Variants in GPC6 observed in about 807,000 individuals in gnomAD.
GPC6 encodes glypican 6.
A neutral mutation model predicts 55.2 loss-of-function variants in GPC6; 14 were observed. That is an observed-to-expected ratio of 0.25 (90% CI 0.17 to 0.40). GPC6 has a LOEUF of 0.40. Ranked by LOEUF, GPC6 falls within the 10% of genes least tolerant of loss-of-function variation. The pLI is 1.00. For missense variants in GPC6, 641 were observed against 708.5 expected, an observed-to-expected ratio of 0.90 and a Z score of 1.08; for synonymous variants, 278 against 259.6, an observed-to-expected ratio of 1.07 and a Z score of -0.68.
At chr13:93,725,787 CCAAAAATAA>C (rs1226739906) in intron 2 of GPC6, among the ~76,000 whole-genome samples, 5 of 151,722 alleles carry the variant, frequency 3.3e-5, no homozygotes, top group Non-Finnish European at 1.5e-5. Context: ...ACCAAAAATA[CCAAAAATAA>C]AAAGAAGAAA....
At position 94,252,106 on chromosome 13, in the gene GPC6, G is replaced by A. The variant is rs1174059358; in HGVS notation, c.878-34243G>A. On this transcript the variant is annotated intron_variant, in intron 4 of 8. Coordinates refer to ENST00000377047, the MANE Select transcript of GPC6 (RefSeq NM_005708.5). ...AGACTGCTGTAATGCTCCTTGGGTG[G>A]CCTTCAATGTCCCATACTTATTTCC... 6.6e-5 allele frequency among the ~76,000 whole-genome samples: 10 copies of A among 152,180 alleles called. No individual in the cohort carries two copies. In the East Asian group the frequency reaches 1.7e-3, roughly 27 times the overall value.
intron 3 of GPC6, among the ~76,000 whole-genome samples, chr13:93,979,680 A>T (rs552732531): frequency 6.6e-6 from 1 of 152,240 alleles, no homozygotes; most frequent in African/African-American, 2.4e-5. Flanking sequence ...GAATATTATT[A>T]AACCTGCACA....
intron 1 of GPC6, among the ~76,000 whole-genome samples, chr13:93,296,806 T>C (rs546479162): frequency 2.0e-5 from 3 of 152,254 alleles, no homozygotes; most frequent in African/African-American, 7.2e-5. Context: ...AGAACAATGA[T>C]TCATGGCACA....
intron 3 of GPC6, among the ~76,000 whole-genome samples, chr13:93,970,578 C>G (rs1880240068): frequency 6.6e-6 from 1 of 152,160 alleles, no homozygotes; most frequent in South Asian, 2.1e-4. Context: ...TGCTGGAAGT[C>G]TAAGATTAAA....
At chr13:94,201,973 A>G (rs920587650) in intron 4 of GPC6, among the ~76,000 whole-genome samples, 1 of 152,206 alleles carries the variant, frequency 6.6e-6, no homozygotes, top group African/African-American at 2.4e-5. Flanking sequence ...AGATGCCTAC[A>G]TGGCAAATGC....
intron 3 of GPC6, among the ~76,000 whole-genome samples, chr13:93,900,500 C>T (rs1281552994): frequency 2.0e-5 from 3 of 152,080 alleles, no homozygotes; most frequent in Non-Finnish European, 4.4e-5. Flanking sequence ...GTTGTCTTGA[C>T]CCCGTTACCA....
chr13:93,809,706 C>A (rs1168632495), intron 2 of GPC6, among the ~76,000 whole-genome samples: 1 of 152,180 alleles, frequency 6.6e-6, no homozygotes, highest in Non-Finnish European at 1.5e-5. Flanking sequence ...CCACTGTCCA[C>A]TCACTCTTGA....
chr13:93,990,458 G>A (rs578217875), intron 3 of GPC6, among the ~76,000 whole-genome samples: 1 of 152,160 alleles, frequency 6.6e-6, no homozygotes, highest in South Asian at 2.1e-4. Flanking sequence ...GTACAGTTGG[G>A]AGAAAAACAT....
At chr13:93,455,604 G>A (rs1233193500) in intron 1 of GPC6, among the ~76,000 whole-genome samples, 2 of 152,002 alleles carry the variant, frequency 1.3e-5, no homozygotes, top group African/African-American at 4.8e-5. Flanking sequence ...AACCCAAGAT[G>A]GAGGCAAAAA....
At chr13:93,548,671 C>T (rs918464483) in intron 2 of GPC6, among the ~76,000 whole-genome samples, 16 of 152,128 alleles carry the variant, frequency 1.1e-4, no homozygotes, top group African/African-American at 2.9e-4. Flanking sequence ...AAATACTCAT[C>T]GGATGGTAGG....
intron 1 of GPC6, among the ~76,000 whole-genome samples, chr13:93,318,293 G>A (rs918411738): frequency 6.6e-6 from 1 of 151,746 alleles, no homozygotes; most frequent in Non-Finnish European, 1.5e-5. Context: ...GGCTTTTGTT[G>A]TTTGATACTA....
At chr13:94,345,623 A>C (rs1460159017) in intron 6 of GPC6, among the ~76,000 whole-genome samples, 6 of 152,298 alleles carry the variant, frequency 3.9e-5, no homozygotes, top group Admixed American at 2.6e-4. Flanking sequence ...AGTTTGCTAG[A>C]GGCTCAGGCA....
At chr13:93,573,669 T>G (rs1481253048) in intron 2 of GPC6, among the ~76,000 whole-genome samples, 2 of 152,096 alleles carry the variant, frequency 1.3e-5, no homozygotes, top group Non-Finnish European at 2.9e-5. Context: ...CCTAGTTCAT[T>G]AATAAATTTT....
intron 1 of GPC6, among the ~76,000 whole-genome samples, chr13:93,242,159 G>A (rs1394292123): frequency 6.6e-6 from 1 of 152,196 alleles, no homozygotes; most frequent in African/African-American, 2.4e-5. Flanking sequence ...AGAATTGGCT[G>A]TGGCTAAGGT....
intron 2 of GPC6, among the ~76,000 whole-genome samples, chr13:93,682,890 C>T (rs559378053): frequency 1.1e-4 from 17 of 149,964 alleles, no homozygotes; most frequent in East Asian, 3.9e-4. Context: ...TGGTAGTGCA[C>T]GCCTGTAATC....
intron 4 of GPC6, among the ~76,000 whole-genome samples, chr13:94,210,489 C>T (rs1890045681): frequency 6.6e-6 from 1 of 152,108 alleles, no homozygotes; most frequent in African/African-American, 2.4e-5. Context: ...TGTTCCTCAG[C>T]ACTGCCCATA....
intron 1 of GPC6, among the ~76,000 whole-genome samples, chr13:93,544,141 A>T (rs940719544): frequency 6.7e-6 from 1 of 148,318 alleles, no homozygotes; most frequent in African/African-American, 2.4e-5. Context: ...CTCAACAGTA[A>T]AAAAAGAAAA....
At position 93,426,687 on chromosome 13, in the gene GPC6, G is replaced by A. The variant is rs1393356233; in HGVS notation, c.161-118576G>A. Among the ~76,000 whole-genome samples the A allele has an allele frequency of 8.5e-3, 1,297 of 151,970 alleles. 23 individuals carry two copies. The highest frequency in any genetic ancestry group is 0.029 in the African/African-American group (1,200 of 41,392). ...AGTCTTTGCTATTGTGAATAGTGCC[G>A]CAATAAACATACATGTGCATGTGTC... On this transcript the variant is annotated intron_variant, in intron 1 of 8. Coordinates refer to ENST00000377047, the MANE Select transcript of GPC6 (RefSeq NM_005708.5).
chr13:93,266,263 A>G (rs1373403263), intron 1 of GPC6, among the ~76,000 whole-genome samples: 1 of 152,188 alleles, frequency 6.6e-6, no homozygotes, highest in Non-Finnish European at 1.5e-5. Context: ...TAAATTGTGT[A>G]TAATTTCTGG....
Sources: allele counts gnomAD v4.1 joint callset (sites outside exome capture counted in the v4.1 genomes callset), GRCh38; gene constraint gnomAD v4.1.1; transcripts MANE v1.5; gene names NCBI Gene and HGNC (gene_info 2026-07-23, HGNC 2026-07-21).